SLC27A1: variants seen among roughly 807,000 people sequenced by gnomAD.
The protein encoded by SLC27A1 is long-chain fatty acid transport protein 1.
In SLC27A1, 61 loss-of-function variants were observed where a neutral mutation model predicts 62.2. That is an observed-to-expected ratio of 0.98 (90% CI 0.80 to 1.21). SLC27A1 has a LOEUF of 1.21. SLC27A1 is among the 50% of genes most tolerant of loss of function. The pLI is 0.00. For missense variants in SLC27A1, 903 were observed against 932.1 expected, an observed-to-expected ratio of 0.97 and a Z score of 0.41; for synonymous variants, 435 against 408.6, an observed-to-expected ratio of 1.06 and a Z score of -0.78.
chr19:17,479,148 G>A (rs1047985996), intron 1 of SLC27A1, among the ~76,000 whole-genome samples: 1 of 152,046 alleles, frequency 6.6e-6, no homozygotes, highest in Admixed American at 6.6e-5. Context: ...ACTCACGCCT[G>A]GAATCCTAGT....
intron 1 of SLC27A1, among the ~76,000 whole-genome samples, chr19:17,481,860 G>C (rs1222034654): frequency 6.6e-6 from 1 of 152,170 alleles, no homozygotes; most frequent in Non-Finnish European, 1.5e-5. Flanking sequence ...TCTCCAGTTG[G>C]AGATGTTAAT....
Position 17,490,298 on chromosome 19 carries a change from C to T in SLC27A1, c.996+1181C>T, listed in dbSNP as rs567146736. On this transcript the variant is annotated intron_variant, in intron 6 of 11. Coordinates refer to ENST00000252595, the MANE Select transcript of SLC27A1 (RefSeq NM_198580.3). ...TCCCAAGTAGCTGGGACTACAGGTG[C>T]GCACCACCACGCCTGGCCCACTTTT... Among the ~76,000 whole-genome samples, 36 of 151,938 alleles carry T rather than the reference C, an allele frequency of 2.4e-4. No individual in the cohort carries two copies. In the South Asian group the frequency reaches 3.3e-3, roughly 14 times the overall value.
upstream of SLC27A1, among the ~76,000 whole-genome samples, chr19:17,469,270 A>T (rs1238725601): frequency 6.6e-6 from 1 of 152,098 alleles, no homozygotes; most frequent in Non-Finnish European, 1.5e-5. Context: ...TTACAGTTAG[A>T]GACTTCTGAG....
Position 17,487,523 on chromosome 19 carries a change from A to T in SLC27A1, c.788A>T (p.His263Leu), listed in dbSNP as rs1159528547. ...CTGCCCAAGGCTGCCATTGTCGTGCACAGCAGGTGAGGGGCCCACAGGCAT... is the reference window on the plus strand; with the variant it reads ...CTGCCCAAGGCTGCCATTGTCGTGCTCAGCAGGTGAGGGGCCCACAGGCAT... ...TGLPKAAIVV[H>L]SRYYRMAAFG... The change falls in exon 4 of 12, where the codon CAC becomes CTC. Residue 263 changes from histidine to leucine, a missense_variant. By Grantham distance (99) the His-to-Leu change is moderately conservative. Coordinates refer to ENST00000252595, the MANE Select transcript of SLC27A1 (RefSeq NM_198580.3). 6.2e-7 allele frequency: 1 copy of T among 1,611,190 alleles called. No homozygotes were observed. The highest frequency in any genetic ancestry group is 1.3e-5 in the African/African-American group (1 of 74,846).
rs749090458 is a variant in SLC27A1, at chr19:17,497,302, G to T, written c.1044G>T (p.Pro348=). ...TCTGCCGCTACCTGCTGAAGCAGCC[G>T]GTGCGCGAGGCGGAGAGGCGACACC... ...GEICRYLLKQ[P]VREAERRHRV... The change falls in exon 7 of 12, where the codon CCG becomes CCT. Residue 348 remains proline, a synonymous_variant. Transcript: ENST00000252595. 1 of 1,606,470 alleles carries T rather than the reference G, an allele frequency of 6.2e-7. No individual in the cohort carries two copies. The highest frequency in any genetic ancestry group is 2.3e-5 in the East Asian group (1 of 44,088).
Position 17,500,383 on chromosome 19 carries a change from C to T in SLC27A1, c.1312C>T (p.Leu438Phe), listed in dbSNP as rs758151034. The change falls in exon 8 of 12, where the codon CTC becomes TTC. Residue 438 changes from leucine to phenylalanine, a missense_variant. By Grantham distance (22) the Leu-to-Phe change is conservative. Transcript: ENST00000252595. ...GGAGCTGCTGCGGGATGCCCAGGGC[C>T]TCTGCATCCCCTGCCAGGCCGGTGA... ...TMELLRDAQG[L>F]CIPCQAGEPG... 2 of 1,614,062 alleles carry T rather than the reference C, an allele frequency of 1.2e-6. No homozygotes were observed. Among genetic ancestry groups the T allele is most frequent in the East Asian group, 4.5e-5 (2 of 44,876 alleles).
intron 1 of SLC27A1, among the ~76,000 whole-genome samples, chr19:17,477,958 CCT>C (rs1240248052): frequency 5.3e-5 from 8 of 152,128 alleles, no homozygotes; most frequent in African/African-American, 1.7e-4. Flanking sequence ...AAATAGTCCC[CCT>C]GTCTTGGCCT....
intron 6 of SLC27A1, among the ~76,000 whole-genome samples, chr19:17,494,275 G>A (rs113139513): frequency 3.3e-5 from 5 of 150,760 alleles, no homozygotes; most frequent in Admixed American, 2.0e-4. Flanking sequence ...TGCCCACCTC[G>A]GCCTCCCAAA....
At chr19:17,469,304 C>T (rs564162417), upstream of SLC27A1, among the ~76,000 whole-genome samples, 7 of 152,276 alleles carry the variant, frequency 4.6e-5, no homozygotes, top group African/African-American at 1.7e-4. Context: ...GAGTTGAGCA[C>T]TCCCCCGGGC....
chr19:17,486,715 C>A lies in SLC27A1; in HGVS notation c.320C>A (p.Ala107Glu). Residue 107 changes from alanine (A) to glutamate (E), a missense_variant, in exon 2 of 12, where the codon GCG becomes GAG. By Grantham distance (107) the Ala-to-Glu change is moderately radical (BLOSUM62 -1). Coordinates refer to ENST00000252595, the MANE Select transcript of SLC27A1 (RefSeq NM_198580.3). The surrounding 1 kb of genome is among the most constrained non-coding windows in gnomAD (Gnocchi z 6.6). ...GGGACCGGCGAGTGCTGGACCTTTGCGCAGCTGGACGCCTACTCCAATGCG... is the reference window on the plus strand; with the variant it reads ...GGGACCGGCGAGTGCTGGACCTTTGAGCAGCTGGACGCCTACTCCAATGCG... ...DAGTGECWTF[A>E]QLDAYSNAVA... 2 of 1,612,116 alleles carry A rather than the reference C, an allele frequency of 1.2e-6. No individual in the cohort carries two copies. Among genetic ancestry groups the A allele is most frequent in the East Asian group, 2.2e-5 (1 of 44,856 alleles).
chr19:17,499,177 G>T (rs536875499), intron 7 of SLC27A1: 4 of 216,332 alleles, frequency 1.8e-5, no homozygotes, highest in Non-Finnish European at 1.9e-5. Flanking sequence ...TTGACACTAA[G>T]GCTACCGCTA....
Position 17,497,319 on chromosome 19 carries a change from G to C in SLC27A1, c.1061G>C (p.Arg354Thr). The change falls in exon 7 of 12, where the codon AGG (arginine) becomes ACG (threonine). Residue 354 changes from arginine to threonine, a missense_variant. By Grantham distance (71) the Arg-to-Thr change is moderately conservative (BLOSUM62 -1). Transcript: ENST00000252595. ...LLKQPVREAE[R>T]RHRVRLAVGN... ...AAGCAGCCGGTGCGCGAGGCGGAGA[G>C]GCGACACCGCGTGCGCCTGGCGGTG... The C allele has an allele frequency of 6.2e-7, 1 of 1,606,680 alleles. No homozygotes were observed. The highest frequency in any genetic ancestry group is 8.5e-7 in the Non-Finnish European group (1 of 1,177,802).
In SLC27A1 at chr19:17,488,878, CGCCT is replaced by C. The variant is rs2075265149; in HGVS notation, c.826_829del (p.Ala276ThrfsTer33). 2 of 1,613,938 alleles carry C rather than the reference CGCCT, an allele frequency of 1.2e-6. No individual in the cohort carries two copies. The highest frequency in any genetic ancestry group is 1.7e-6 in the Non-Finnish European group (2 of 1,180,012). On this transcript the variant is annotated frameshift_variant, in exon 5 of 12. Coordinates refer to ENST00000252595, the MANE Select transcript of SLC27A1 (RefSeq NM_198580.3). LOFTEE classifies it high-confidence loss of function. Reference sequence around the variant, plus strand: ...ACCGCATGGCAGCCTTCGGCCACCACGCCTACCGCATGCAGGCGGCTGACGTGCT... The same window carrying C: ...ACCGCATGGCAGCCTTCGGCCACCACACCGCATGCAGGCGGCTGACGTGCT...
At chr19:17,501,788 G>GTGAT (rs1163743861) in intron 11 of SLC27A1, among the ~76,000 whole-genome samples, 1 of 111,368 alleles carries the variant, frequency 9.0e-6, no homozygotes, top group Middle Eastern at 9.8e-3. Flanking sequence ...GGGCGATAGA[G>GTGAT]TGATACTCTG....
intron 7 of SLC27A1, among the ~76,000 whole-genome samples, chr19:17,499,624 G>A (rs2075387388): frequency 6.8e-6 from 1 of 146,914 alleles, no homozygotes; most frequent in African/African-American, 2.5e-5. Flanking sequence ...TGGCCAACAT[G>A]GCAAAACCCC....
chr19:17,470,894 T>G (rs2075069950), intron 1 of SLC27A1, among the ~76,000 whole-genome samples, 187 bp downstream of exon 1: 1 of 146,322 alleles, frequency 6.8e-6, no homozygotes, highest in African/African-American at 2.6e-5. Context: ...CAGTTGGGGG[T>G]CTCTGAGGGG....
At chr19:17,497,501 T>C (rs1207083837) in intron 7 of SLC27A1, 37 bp downstream of exon 7, 4 of 1,544,384 alleles carry the variant, frequency 2.6e-6, no homozygotes, top group Non-Finnish European at 3.5e-6. Context: ...GGTCTCGGAG[T>C]TCAGGGAAGA....
intron 1 of SLC27A1, among the ~76,000 whole-genome samples, chr19:17,473,239 T>C (rs1171781269): frequency 2.6e-5 from 4 of 152,180 alleles, no homozygotes; most frequent in Non-Finnish European, 5.9e-5. Flanking sequence ...TTGAACCATA[T>C]TGTCTACTTG....
intron 1 of SLC27A1, among the ~76,000 whole-genome samples, chr19:17,476,210 C>G (rs995702665): frequency 1.3e-5 from 2 of 152,138 alleles, no homozygotes; most frequent in African/African-American, 4.8e-5. Flanking sequence ...AATTCACCCA[C>G]AGGAAGCCCT....
Sources: gnomAD v4.1 joint callset for allele counts (sites outside exome capture counted in the v4.1 genomes callset) on GRCh38, gnomAD v4.1.1 for gene constraint, Gnocchi (gnomAD v3.1) non-coding constraint, MANE v1.5 for transcripts, NCBI Gene and HGNC (gene_info 2026-07-23, HGNC 2026-07-21) for gene names.